TLR9: variants seen among roughly 807,000 people sequenced by gnomAD.
The protein encoded by TLR9 is toll like receptor 9, also known as toll-like receptor 9.
A neutral mutation model predicts 24.6 loss-of-function variants in TLR9; 19 were observed. That is an observed-to-expected ratio of 0.77 (90% CI 0.54 to 1.13). The LOEUF is 1.13. Ranked by LOEUF, TLR9 falls within the 50% of genes most tolerant of loss-of-function variation. The pLI is 0.00. For synonymous variants in TLR9, 579 were observed against 609.8 expected (o/e 0.95, Z 0.74); for missense variants, 1,065 against 1,379.6 (o/e 0.77, Z 3.61).
intron 1 of TLR9, among the ~76,000 whole-genome samples, chr3:52,224,761 G>A (rs890941639): frequency 1.3e-5 from 2 of 152,200 alleles, no homozygotes; most frequent in Non-Finnish European, 2.9e-5. Flanking sequence ...CTTCGGCCAA[G>A]ATTCAGGCAG....
In TLR9 at chr3:52,223,985, G is replaced by T; in HGVS notation, c.331C>A (p.His111Asn). The T allele has an allele frequency of 1.3e-6, 2 of 1,596,380 alleles. No homozygotes were observed. The highest frequency in any genetic ancestry group is 1.7e-6 in the Non-Finnish European group (2 of 1,168,292). ...AAGGTGCTGGGCTCGATGGTCATGT[G>T]GCAGGGGAAGTGCATGGGGCTGAGG... Reference protein sequence around the residue: ...VGLSPMHFPCHMTIEPSTFLA... With the variant: ...VGLSPMHFPCNMTIEPSTFLA... The change falls in exon 2 of 2, where the codon CAC becomes AAC. Residue 111 changes from histidine to asparagine, a missense_variant. His to Asn is a moderately conservative substitution (Grantham distance 68). Transcript: ENST00000360658.
At position 52,222,241 on chromosome 3, in the gene TLR9, A is replaced by C; in HGVS notation, c.2075T>G (p.Leu692Arg). ...GCCAGCAGGCAGGCTGCCATTGGTC[A>C]GGGCCTTCAGCTGGTTTCCTGCCAG... ...LDLAGNQLKA[L>R]TNGSLPAGTR... Residue 692 changes from leucine to arginine, a missense_variant, in exon 2 of 2, where the codon CTG (leucine) becomes CGG (arginine). Leu to Arg is a moderately radical substitution (Grantham distance 102). Coordinates refer to ENST00000360658, the MANE Select transcript of TLR9 (RefSeq NM_017442.4). The C allele has an allele frequency of 6.2e-7, 1 of 1,614,168 alleles. No individual in the cohort carries two copies. The highest frequency in any genetic ancestry group is 8.5e-7 in the Non-Finnish European group (1 of 1,180,036).
In TLR9 at chr3:52,224,037, G is replaced by T; in HGVS notation, c.279C>A (p.Asn93Lys). The T allele has an allele frequency of 6.3e-7, 1 of 1,584,456 alleles. No homozygotes were observed. The highest frequency in any genetic ancestry group is 8.6e-7 in the Non-Finnish European group (1 of 1,161,446). The stretch of plus-strand genomic sequence containing the variant: ...CAACCGGCGGGCAGTTCCACTTGAG[G>T]TTGAGATGCCGCAGGCTGGGCAGGT... Reference protein sequence around the residue: ...FAHLPSLRHLNLKWNCPPVGL... With the variant: ...FAHLPSLRHLKLKWNCPPVGL... Residue 93 changes from asparagine to lysine, a missense_variant, in exon 2 of 2, where the codon AAC (asparagine) becomes AAA (lysine). Asn to Lys is a moderately conservative substitution (Grantham distance 94). Transcript: ENST00000360658.
In TLR9 at chr3:52,221,619, A is replaced by G. The variant is rs1699554549; in HGVS notation, c.2697T>C (p.Arg899=). 6.2e-7 allele frequency: 1 copy of G among 1,613,508 alleles called. No individual in the cohort carries two copies. Among genetic ancestry groups the G allele is most frequent in the African/African-American group, 1.3e-5 (1 of 74,916 alleles). ...NELRGQLEEC[R]GRWALRLCLE... Reference sequence around the variant, plus strand: ...GGCACAGGCGGAGTGCCCAGCGCCCACGGCACTCCTCCAGCTGCCCCCGAA... The same window carrying G: ...GGCACAGGCGGAGTGCCCAGCGCCCGCGGCACTCCTCCAGCTGCCCCCGAA... The change falls in exon 2 of 2, where the codon CGT becomes CGC. Residue 899 remains arginine, a synonymous_variant. Coordinates refer to ENST00000360658, the MANE Select transcript of TLR9 (RefSeq NM_017442.4). The surrounding 1 kb of genome is among the most constrained non-coding windows in gnomAD (Gnocchi z 9.9).
chr3:52,221,935 C>G lies in TLR9; in HGVS notation c.2381G>C (p.Gly794Ala). The G allele has an allele frequency of 6.2e-7, 1 of 1,612,284 alleles. No individual in the cohort carries two copies. The highest frequency in any genetic ancestry group is 8.5e-7 in the Non-Finnish European group (1 of 1,179,316). The change falls in exon 2 of 2, where the codon GGC becomes GCC. Residue 794 changes from glycine to alanine, a missense_variant. By Grantham distance (60) the Gly-to-Ala change is moderately conservative. Transcript: ENST00000360658. The surrounding 1 kb of genome is among the most constrained non-coding windows in gnomAD (Gnocchi z 9.9). ...LPSRVKCGSP[G>A]QLQGLSIFAQ... is the part of the protein sequence containing the mutation. ...AAAGATGCTGAGGCCCTGGAGCTGG[C>G]CCGGACTGCCACACTTCACCCGGCT...
Position 52,222,368 on chromosome 3 carries a change from T to C in TLR9, c.1948A>G (p.Asn650Asp). The change falls in exon 2 of 2, where the codon AAC becomes GAC. Residue 650 changes from asparagine to aspartate, a missense_variant. Asn to Asp is a conservative substitution (Grantham distance 23). Coordinates refer to ENST00000360658, the MANE Select transcript of TLR9 (RefSeq NM_017442.4). The stretch of plus-strand genomic sequence containing the variant: ...AGCACCTGTAGGCTCTTGGGGAGGT[T>C]GCGCAGGGTTTGGGGCAGGAGGGTG... Reference protein sequence around the residue: ...LHTLLPQTLRNLPKSLQVLRL... With the variant: ...LHTLLPQTLRDLPKSLQVLRL... The C allele has an allele frequency of 6.2e-7, 1 of 1,614,130 alleles. No individual in the cohort carries two copies. Among genetic ancestry groups the C allele is most frequent in the Non-Finnish European group, 8.5e-7 (1 of 1,180,014 alleles).
chr3:52,225,506 G>C (rs1466061223), intron 1 of TLR9, 21 bp downstream of exon 1: 9 of 1,593,928 alleles, frequency 5.6e-6, no homozygotes, highest in Non-Finnish European at 7.7e-6. Flanking sequence ...TTCCCCAGGG[G>C]ACTGAGAGCT....
rs765261141 is a variant in TLR9, at chr3:52,224,055, G to A, written c.261C>T (p.Pro87=). 14 of 1,573,928 alleles carry A rather than the reference G, an allele frequency of 8.9e-6. No individual in the cohort carries two copies. Among genetic ancestry groups the A allele is most frequent in the Non-Finnish European group, 1.2e-5 (14 of 1,155,924 alleles). The change falls in exon 2 of 2, where the codon CCC becomes CCT. Residue 87 remains proline, a synonymous_variant. Transcript: ENST00000360658. ...ACTTGAGGTTGAGATGCCGCAGGCT[G>A]GGCAGGTGGGCAAAGTCAGAATCAT... ...HLHDSDFAHL[P]SLRHLNLKWN... is the part of the protein sequence containing the mutation.
In TLR9 at chr3:52,225,073, G is replaced by A. The variant is rs565599508; in HGVS notation, c.3+454C>T. On this transcript the variant is annotated intron_variant, in intron 1 of 1. Coordinates refer to ENST00000360658, the MANE Select transcript of TLR9 (RefSeq NM_017442.4). ...GAAGAGGGCTTCAGTGGCTGGGCAC[G>A]GTGGCTCACACCTGTAATCCCAGCA... is the stretch of plus-strand genomic sequence containing the variant. Among the ~76,000 whole-genome samples, 20 of 152,276 alleles carry A rather than the reference G, an allele frequency of 1.3e-4. No homozygotes were observed. In the East Asian group the frequency reaches 2.5e-3, roughly 19 times the overall value.
Position 52,221,359 on chromosome 3 carries a change from C to A in TLR9, c.2957G>T (p.Arg986Leu). 2.5e-6 allele frequency: 4 copies of A among 1,584,222 alleles called. No individual in the cohort carries two copies. Among genetic ancestry groups the A allele is most frequent in the Non-Finnish European group, 3.4e-6 (4 of 1,163,308 alleles). Residue 986 changes from arginine (R) to leucine (L), a missense_variant, in exon 2 of 2, where the codon CGC becomes CTC. By Grantham distance (102) the Arg-to-Leu change is moderately radical. Transcript: ENST00000360658. The surrounding 1 kb of genome is among the most constrained non-coding windows in gnomAD (Gnocchi z 9.9). The stretch of plus-strand genomic sequence containing the variant: ...GAGGAGGACACTCTGGCGGCAGAGG[C>A]GCTGGCGCAGCCGCACGTAGCGGGA... ...RRSRYVRLRQ[R>L]LCRQSVLLWP...
Position 52,224,181 on chromosome 3 carries a change from G to A in TLR9, c.135C>T (p.Cys45=). ...CELQPHGLVN[C]NWLFLKSVPH... is the part of the protein sequence containing the mutation. ...GCACAGACTTCAGGAACAGCCAGTT[G>A]CAGTTCACCAGGCCGTGGGGCTGGA... Residue 45 remains cysteine, a synonymous_variant, in exon 2 of 2, where the codon TGC becomes TGT. Coordinates refer to ENST00000360658, the MANE Select transcript of TLR9 (RefSeq NM_017442.4). 1 of 1,606,982 alleles carries A rather than the reference G, an allele frequency of 6.2e-7. No homozygotes were observed. Among genetic ancestry groups the A allele is most frequent in the Non-Finnish European group, 8.5e-7 (1 of 1,175,358 alleles).
chr3:52,225,584 AC>A lies in TLR9; in HGVS notation c.-56del. ...CTGGCGGGCAGACTGGACAGCAGCT[AC>A]AGGGAAGGATGCTTCACACTCGAGG... On this transcript the variant is annotated 5_prime_UTR_variant, in exon 1 of 2. Coordinates refer to ENST00000360658, the MANE Select transcript of TLR9 (RefSeq NM_017442.4). 1 of 1,572,628 alleles carries A rather than the reference AC, an allele frequency of 6.4e-7. No individual in the cohort carries two copies. Among genetic ancestry groups the A allele is most frequent in the Non-Finnish European group, 8.6e-7 (1 of 1,165,546 alleles).
Position 52,222,599 on chromosome 3 carries a change from G to A in TLR9, c.1717C>T (p.His573Tyr). 6.2e-7 allele frequency: 1 copy of A among 1,614,144 alleles called. No individual in the cohort carries two copies. Among genetic ancestry groups the A allele is most frequent in the Non-Finnish European group, 8.5e-7 (1 of 1,180,030 alleles). Residue 573 changes from histidine to tyrosine, a missense_variant, in exon 2 of 2, where the codon CAC becomes TAC. His to Tyr is a moderately conservative substitution (Grantham distance 83). Transcript: ENST00000360658. ...CTGAGGTGGCGCAGGGTGCGCAGGT[G>A]AGCCACGAAGCTGAAGTTGTGGCCC... Reference protein sequence around the residue: ...GVGHNFSFVAHLRTLRHLSLA... With the variant: ...GVGHNFSFVAYLRTLRHLSLA...
At chr3:52,225,415 G>A (rs1184223318) in intron 1 of TLR9, 112 bp downstream of exon 1, 1 of 1,384,952 alleles carries the variant, frequency 7.2e-7, no homozygotes, top group African/African-American at 1.5e-5. Flanking sequence ...GTGTCCCCAG[G>A]GCCATGTGGG....
Position 52,221,672 on chromosome 3 carries a change from C to A in TLR9, c.2644G>T (p.Ala882Ser). 6.2e-7 allele frequency: 1 copy of A among 1,613,984 alleles called. No individual in the cohort carries two copies. Among genetic ancestry groups the A allele is most frequent in the Non-Finnish European group, 8.5e-7 (1 of 1,180,028 alleles). The change falls in exon 2 of 2, where the codon GCA (alanine) becomes TCA (serine). Residue 882 changes from alanine (A) to serine (S), a missense_variant. By Grantham distance (99) the Ala-to-Ser change is moderately conservative. Coordinates refer to ENST00000360658, the MANE Select transcript of TLR9 (RefSeq NM_017442.4). The surrounding 1 kb of genome is among the most constrained non-coding windows in gnomAD (Gnocchi z 9.9). ...AFVVFDKTQSAVADWVYNELR... is the reference protein window; with the variant it reads ...AFVVFDKTQSSVADWVYNELR... ...TCGTTGTACACCCAGTCTGCCACTGCGCTCTGCGTTTTGTCGAAGACCACG... is the reference window on the plus strand; with the variant it reads ...TCGTTGTACACCCAGTCTGCCACTGAGCTCTGCGTTTTGTCGAAGACCACG...
In TLR9 at chr3:52,223,430, G is replaced by C; in HGVS notation, c.886C>G (p.Leu296Val). ...AACCAACTGGCATTCAGCCAGGAGAGAGAACTGTCCTTCAACACCAGGCCT... is the reference window on the plus strand; with the variant it reads ...AACCAACTGGCATTCAGCCAGGAGACAGAACTGTCCTTCAACACCAGGCCT... ...LEGLVLKDSSLSWLNASWFRG... is the reference protein window; with the variant it reads ...LEGLVLKDSSVSWLNASWFRG... The change falls in exon 2 of 2, where the codon CTC becomes GTC. Residue 296 changes from leucine to valine, a missense_variant. Transcript: ENST00000360658. 1 of 1,608,266 alleles carries C rather than the reference G, an allele frequency of 6.2e-7. No homozygotes were observed. The highest frequency in any genetic ancestry group is 1.1e-5 in the South Asian group (1 of 90,324).
chr3:52,221,147 G>T lies in TLR9; in HGVS notation c.*70C>A. The T allele has an allele frequency of 7.1e-7, 1 of 1,410,392 alleles. No homozygotes were observed. Among genetic ancestry groups the T allele is most frequent in the Non-Finnish European group, 9.5e-7 (1 of 1,048,252 alleles). 87.4% of individuals were successfully genotyped at this position (1,410,392 alleles called of 1,614,324 possible). A position where few individuals can be genotyped will look rare whatever the true frequency, so the allele number is the denominator to read the frequency against. On this transcript the variant is annotated 3_prime_UTR_variant, in exon 2 of 2. Transcript: ENST00000360658. The surrounding 1 kb of genome is among the most constrained non-coding windows in gnomAD (Gnocchi z 9.9). Reference sequence around the variant, plus strand: ...TGTGGGGTGAGGGAGGCGAGCAGGGGAGGGTCAGACCAGGCAGGCAGAGGT... The same window carrying T: ...TGTGGGGTGAGGGAGGCGAGCAGGGTAGGGTCAGACCAGGCAGGCAGAGGT...
Position 52,222,133 on chromosome 3 carries a change from C to G in TLR9, c.2183G>C (p.Arg728Pro). ...PGFFSKAKEL[R>P]ELNLSANALK... is the part of the protein sequence containing the mutation. ...GGCGTTGGCGCTAAGGTTGAGCTCT[C>G]GCAGCTCCTTGGCCTTGGAAAAGAA... The change falls in exon 2 of 2, where the codon CGA becomes CCA. Residue 728 changes from arginine (R) to proline (P), a missense_variant. Coordinates refer to ENST00000360658, the MANE Select transcript of TLR9 (RefSeq NM_017442.4). The G allele has an allele frequency of 6.2e-7, 1 of 1,612,562 alleles. No individual in the cohort carries two copies. The highest frequency in any genetic ancestry group is 8.5e-7 in the Non-Finnish European group (1 of 1,179,234).
Position 52,223,447 on chromosome 3 carries a change from AC to A in TLR9, c.868del (p.Val290CysfsTer2). 6.3e-7 allele frequency: 1 copy of A among 1,596,476 alleles called. No homozygotes were observed. Among genetic ancestry groups the A allele is most frequent in the Non-Finnish European group, 8.5e-7 (1 of 1,170,234 alleles). Reference protein sequence around the residue: ...FSHLSRLEGLVLKDSSLSWLN... With the variant: ...FSHLSRLEGLXLKDSSLSWLN... ...CCAGGAGAGAGAACTGTCCTTCAAC[AC>A]CAGGCCTTCAAGACGGCTCAGGTGG... On this transcript the variant is annotated frameshift_variant, in exon 2 of 2. Coordinates refer to ENST00000360658, the MANE Select transcript of TLR9 (RefSeq NM_017442.4). LOFTEE classifies it low-confidence loss of function (END_TRUNC).
Sources: allele counts gnomAD v4.1 joint callset (sites outside exome capture counted in the v4.1 genomes callset), GRCh38; gene constraint gnomAD v4.1.1; non-coding constraint Gnocchi (gnomAD v3.1); transcripts MANE v1.5; gene names NCBI Gene and HGNC (gene_info 2026-07-23, HGNC 2026-07-21).